SAMD12: variants seen among roughly 807,000 people sequenced by gnomAD.
The protein encoded by SAMD12 is sterile alpha motif domain-containing protein 12.
In SAMD12, 9 loss-of-function variants were observed where a neutral mutation model predicts 15.0. The ratio of observed to expected loss-of-function variants is 0.60; its 90% CI spans 0.36 to 1.05. The LOEUF (loss-of-function observed/expected upper bound fraction) is 1.05. Ranked by LOEUF, SAMD12 falls within the 50% of genes least tolerant of loss-of-function variation. SAMD12 has a pLI of 0.01. For synonymous variants in SAMD12, 86 were observed against 90.1 expected (o/e 0.96, Z 0.25); for missense variants, 230 against 234.2 (o/e 0.98, Z 0.12).
intron 4 of SAMD12, among the ~76,000 whole-genome samples, chr8:118,250,167 A>T (rs188423630): frequency 1.3e-5 from 2 of 152,122 alleles, no homozygotes; most frequent in Non-Finnish European, 2.9e-5. Flanking sequence ...GGGCACGCCA[A>T]CATGTCATTG....
intron 4 of SAMD12, among the ~76,000 whole-genome samples, chr8:118,286,275 C>T (rs977180801): frequency 6.6e-6 from 1 of 151,772 alleles, no homozygotes; most frequent in Non-Finnish European, 1.5e-5. Flanking sequence ...ATGTAACAAA[C>T]CTGCATGTTG....
chr8:118,521,038 G>A (rs907516678), intron 2 of SAMD12, among the ~76,000 whole-genome samples: 2 of 152,178 alleles, frequency 1.3e-5, no homozygotes, highest in Admixed American at 6.5e-5. Context: ...TAATGCATAC[G>A]TATACATTTC....
rs188220168 is a variant in SAMD12 at position 118,576,766 on chromosome 8, C to G, written c.192+3949G>C. The stretch of plus-strand genomic sequence containing the variant: ...GTGGCTTTGTCTTGAGTCTACAAGA[C>G]TAGAAGGATATAAATGAATGGTGAA... On this transcript the variant is annotated intron_variant, in intron 2 of 3. Coordinates refer to ENST00000314727, the MANE Select transcript of SAMD12 (RefSeq NM_207506.3). Among the ~76,000 whole-genome samples the G allele has an allele frequency of 3.3e-5, 5 of 152,218 alleles. No homozygotes were observed. In the East Asian group the frequency reaches 9.7e-4, roughly 29 times the overall value.
the SAMD12 span, among the ~76,000 whole-genome samples, chr8:118,141,973 G>C: frequency 6.6e-6 from 1 of 152,188 alleles, no homozygotes; most frequent in Non-Finnish European, 1.5e-5. Flanking sequence ...TATGTTCTAG[G>C]ATTGTAGACC....
At chr8:118,602,721 T>A (rs147801892) in intron 1 of SAMD12, among the ~76,000 whole-genome samples, 1 of 152,196 alleles carries the variant, frequency 6.6e-6, no homozygotes, top group African/African-American at 2.4e-5. Flanking sequence ...AGCCAACTCA[T>A]CTTACAATGA....
the SAMD12 span, among the ~76,000 whole-genome samples, chr8:118,178,553 C>T: frequency 6.6e-6 from 1 of 152,116 alleles, no homozygotes; most frequent in African/African-American, 2.4e-5. Context: ...GCAACCTCCA[C>T]CCCCTGGGTT....
intron 1 of SAMD12, among the ~76,000 whole-genome samples, chr8:118,585,535 G>A (rs1347383172): frequency 6.6e-6 from 1 of 151,440 alleles, no homozygotes; most frequent in Non-Finnish European, 1.5e-5. Context: ...TAAATGGAAA[G>A]AGAGGTTCCA....
At chr8:118,343,087 G>A (rs912785214) in intron 4 of SAMD12, among the ~76,000 whole-genome samples, 4 of 152,066 alleles carry the variant, frequency 2.6e-5, no homozygotes, top group African/African-American at 9.7e-5. Context: ...TTCCTCATCT[G>A]TAAGATGAGA....
chr8:118,240,404 G>A (rs1812537850), intron 4 of SAMD12, among the ~76,000 whole-genome samples: 1 of 152,134 alleles, frequency 6.6e-6, no homozygotes, highest in Non-Finnish European at 1.5e-5. Flanking sequence ...TAACTCATAC[G>A]AAATTTAAGA....
chr8:118,388,430 C>T (rs375185394), intron 3 of SAMD12, among the ~76,000 whole-genome samples: 19 of 152,150 alleles, frequency 1.2e-4, no homozygotes, highest in African/African-American at 2.9e-4. Context: ...CTTTTGAGAG[C>T]GGCTTTTTTC....
At chr8:118,205,411 A>G (rs1819833759) in intron 4 of SAMD12, among the ~76,000 whole-genome samples, 1 of 152,244 alleles carries the variant, frequency 6.6e-6, no homozygotes, top group Non-Finnish European at 1.5e-5. Flanking sequence ...CATCAGGCTA[A>G]GAACCTGTGT....
At chr8:118,349,848 C>T (rs1440387591) in intron 4 of SAMD12, among the ~76,000 whole-genome samples, 1 of 152,174 alleles carries the variant, frequency 6.6e-6, no homozygotes, top group Non-Finnish European at 1.5e-5. Flanking sequence ...GAGCCACCTG[C>T]TGGGCACTGT....
intron 4 of SAMD12, among the ~76,000 whole-genome samples, chr8:118,230,927 GT>G (rs1299876778): frequency 1.3e-5 from 2 of 152,148 alleles, no homozygotes; most frequent in East Asian, 3.9e-4. Context: ...CCAGTGTGGG[GT>G]TTTAAGCAGA....
chr8:118,244,741 CTGAG>C lies in SAMD12; in HGVS notation c.434-47013_434-47010del, dbSNP rs549701370. Among the ~76,000 whole-genome samples the C allele has an allele frequency of 1.2e-4, 18 of 152,068 alleles. No homozygotes were observed. The South Asian group carries it at 3.7e-3, about 32-fold the overall frequency. ...CCATAAAAGTTGATGATAAAATGCC[CTGAG>C]TGAGATAGTAAGAGGAATTTTGTTT... On this transcript the variant is annotated intron_variant, in intron 4 of 4. Coordinates refer to the SAMD12 transcript ENST00000409003.
intron 2 of SAMD12, among the ~76,000 whole-genome samples, chr8:118,538,002 C>T (rs1208681280): frequency 6.6e-6 from 1 of 152,160 alleles, no homozygotes; most frequent in Non-Finnish European, 1.5e-5. Flanking sequence ...ATCATTGCAG[C>T]CACATCTGCA....
intron 2 of SAMD12, among the ~76,000 whole-genome samples, chr8:118,452,125 G>A (rs1178174700): frequency 6.6e-6 from 1 of 150,686 alleles, no homozygotes; most frequent in Non-Finnish European, 1.5e-5. Flanking sequence ...TGCAAAAGAG[G>A]ACACGATGAG....
rs554311508 is a variant in SAMD12, at chr8:118,321,435, G to A, written c.433+58125C>T. ...TCAAGACCAGTCTGGCGAATATGGT[G>A]AAACCCCGTCTCTCCTAAAAATACA... On this transcript the variant is annotated intron_variant, in intron 4 of 4. Transcript: ENST00000409003. 7.3e-4 allele frequency among the ~76,000 whole-genome samples: 111 copies of A among 151,468 alleles called. 1 individual carries two copies. Among genetic ancestry groups the A allele is most frequent in the African/African-American group, 2.4e-3 (101 of 41,300 alleles).
intron 2 of SAMD12, among the ~76,000 whole-genome samples, chr8:118,447,087 A>G (rs1421767127): frequency 6.6e-6 from 1 of 152,078 alleles, no homozygotes. Flanking sequence ...GATTTTTCAT[A>G]GACTTTCGTC....
chr8:118,609,613 T>C (rs189132582), intron 1 of SAMD12, among the ~76,000 whole-genome samples: 4 of 152,316 alleles, frequency 2.6e-5, no homozygotes, highest in African/African-American at 9.6e-5. Flanking sequence ...TCCAAAATCA[T>C]ATCTTCTTTT....
Sources: gnomAD v4.1 joint callset for allele counts (sites outside exome capture counted in the v4.1 genomes callset) on GRCh38, gnomAD v4.1.1 for gene constraint, MANE v1.5 for transcripts, NCBI Gene and HGNC (gene_info 2026-07-23, HGNC 2026-07-21) for gene names.